The following AEBP2 variants were observed in gnomAD, a reference collection of about 807,000 sequenced individuals.
The protein encoded by AEBP2 is zinc finger protein AEBP2.
In AEBP2, 10 loss-of-function variants were observed where a neutral mutation model predicts 50.8. The ratio of observed to expected loss-of-function variants is 0.20; its 90% CI spans 0.12 to 0.33. AEBP2 has a LOEUF of 0.33. Ranked by LOEUF, AEBP2 falls within the 10% of genes least tolerant of loss-of-function variation. The pLI, the probability that AEBP2 is intolerant of heterozygous loss-of-function variation, is 1.00. For missense variants in AEBP2, 570 were observed against 688.0 expected, an observed-to-expected ratio of 0.83 and a Z score of 1.92; for synonymous variants, 296 against 261.3, an observed-to-expected ratio of 1.13 and a Z score of -1.28.
At chr12:19,438,943 A>T (rs541870032), upstream of AEBP2, among the ~76,000 whole-genome samples, 5 of 152,334 alleles carry the variant, frequency 3.3e-5, no homozygotes, top group East Asian at 9.7e-4. Flanking sequence ...TCTAAACTGT[A>T]TAAGAACATA....
intron 3 of AEBP2, among the ~76,000 whole-genome samples, chr12:19,492,748 T>G (rs1462611635): frequency 6.6e-6 from 1 of 151,906 alleles, no homozygotes; most frequent in East Asian, 1.9e-4. Context: ...AAATGGATGG[T>G]TTGAGCCCAG....
chr12:19,466,479 G>A (rs1281519135), intron 2 of AEBP2, among the ~76,000 whole-genome samples: 1 of 152,126 alleles, frequency 6.6e-6, no homozygotes, highest in African/African-American at 2.4e-5. Context: ...CATTTTTAAT[G>A]TATAGTTCAG....
At chr12:19,517,142 A>G (rs987752781) in intron 7 of AEBP2, among the ~76,000 whole-genome samples, 3 of 152,208 alleles carry the variant, frequency 2.0e-5, no homozygotes, top group African/African-American at 7.2e-5. Flanking sequence ...AGAAGCCCCT[A>G]CATTTGTCCT....
intron 1 of AEBP2, among the ~76,000 whole-genome samples, chr12:19,416,815 G>A (rs1252709691): frequency 1.3e-5 from 2 of 150,760 alleles, no homozygotes; most frequent in African/African-American, 2.4e-5. Context: ...GCCTCCCAAA[G>A]TGTTGGAATT....
At chr12:19,484,609 G>A (rs1948780268) in intron 3 of AEBP2, among the ~76,000 whole-genome samples, 2 of 151,990 alleles carry the variant, frequency 1.3e-5, no homozygotes, top group Non-Finnish European at 2.9e-5. Flanking sequence ...TCTTGACCTC[G>A]TGATCCGCCC....
upstream of AEBP2, among the ~76,000 whole-genome samples, chr12:19,438,178 T>C (rs527600517): frequency 6.6e-6 from 1 of 152,318 alleles, no homozygotes; most frequent in African/African-American, 2.4e-5. Flanking sequence ...AAGAATGGGG[T>C]AACACATCCT....
chr12:19,490,479 G>A (rs1948880757), intron 3 of AEBP2, among the ~76,000 whole-genome samples: 2 of 151,088 alleles, frequency 1.3e-5, no homozygotes, highest in South Asian at 2.1e-4. Flanking sequence ...CCAGGCTGAA[G>A]TGATTCTTGT....
chr12:19,458,259 A>G (rs984342771), intron 1 of AEBP2, among the ~76,000 whole-genome samples: 1 of 152,188 alleles, frequency 6.6e-6, no homozygotes, highest in Non-Finnish European at 1.5e-5. Flanking sequence ...GGAGAGGACC[A>G]CTGGTGGCAG....
intron 1 of AEBP2, among the ~76,000 whole-genome samples, chr12:19,420,577 C>T (rs182545536): frequency 1.5e-4 from 22 of 150,560 alleles, no homozygotes; most frequent in Non-Finnish European, 7.4e-5. Context: ...CTGCCTGCCT[C>T]TGCCTCCCAA....
At chr12:19,425,605 C>G (rs549223806) in intron 1 of AEBP2, among the ~76,000 whole-genome samples, 113 of 151,834 alleles carry the variant, frequency 7.4e-4, no homozygotes, top group Non-Finnish European at 1.2e-3. Context: ...GAAACCCTGT[C>G]TCTACTAAAA....
rs2095747805 is a variant in AEBP2 at position 19,425,008 on chromosome 12, CA to C, written c.-17+20796del. On this transcript the variant is annotated intron_variant, in intron 1 of 3. Coordinates refer to the AEBP2 transcript ENST00000538425. ...AGGGTGACAATGTGAGACTCCATCT[CA>C]AAACAAACAAACAAACAAAGACCTT... Among the ~76,000 whole-genome samples, 3 of 152,092 alleles carry C rather than the reference CA, an allele frequency of 2.0e-5. No individual in the cohort carries two copies. The South Asian group carries it at 6.2e-4, about 32-fold the overall frequency.
intron 1 of AEBP2, among the ~76,000 whole-genome samples, chr12:19,455,601 T>A (rs1015567716): frequency 5.9e-5 from 9 of 152,150 alleles, no homozygotes; most frequent in Non-Finnish European, 1.0e-4. Flanking sequence ...CTAGAAGTAA[T>A]TTAAGACTCA....
At chr12:19,422,034 C>G (rs1357885977) in intron 1 of AEBP2, among the ~76,000 whole-genome samples, 1 of 151,824 alleles carries the variant, frequency 6.6e-6, no homozygotes, top group Non-Finnish European at 1.5e-5. Context: ...CCCAGCTACT[C>G]GGGAGGCTGA....
At chr12:19,438,756 A>G (rs61430038), upstream of AEBP2, among the ~76,000 whole-genome samples, 634 of 152,362 alleles carry the variant, frequency 4.2e-3, 6 homozygotes, top group African/African-American at 0.015. Context: ...GAGATATGCA[A>G]CGTCAATATG....
At chr12:19,502,244 C>T (rs907771900) in intron 5 of AEBP2, among the ~76,000 whole-genome samples, 2 of 151,816 alleles carry the variant, frequency 1.3e-5, no homozygotes, top group Admixed American at 6.6e-5. Context: ...AAGCGATCCC[C>T]CTCCCTCAGC....
rs567524876 is a variant in AEBP2, at chr12:19,446,719, G to A, written c.671+6349G>A. Reference sequence around the variant, plus strand: ...TGCACTCCAGCCTGGGCGACAGAGCGAGACTCCGTTTCCAAAAAAAAAAAA... The same window carrying A: ...TGCACTCCAGCCTGGGCGACAGAGCAAGACTCCGTTTCCAAAAAAAAAAAA... On this transcript the variant is annotated intron_variant, in intron 1 of 7. Coordinates refer to ENST00000266508, the MANE Select transcript of AEBP2 (RefSeq NM_153207.5). Among the ~76,000 whole-genome samples, 165 of 133,042 alleles carry A rather than the reference G, an allele frequency of 1.2e-3. 1 individual carries two copies. The highest frequency in any genetic ancestry group is 2.3e-3 in the Non-Finnish European group (144 of 63,314). 87.3% of individuals were successfully genotyped at this position (133,042 alleles called of 152,430 possible).
At chr12:19,440,502 A>G (rs1433141198) in intron 1 of AEBP2, 132 bp downstream of exon 1, 1 of 1,399,202 alleles carries the variant, frequency 7.1e-7, no homozygotes, top group Non-Finnish European at 9.3e-7. Context: ...CAGACTCTCA[A>G]CTCGGAAATC....
chr12:19,456,401 A>C, intron 1 of AEBP2: 2 of 1,379,632 alleles, frequency 1.4e-6, no homozygotes, highest in South Asian at 1.2e-5. Context: ...AGCACTCAAC[A>C]CACACGGGCT....
chr12:19,517,996 C>G, intron 7 of AEBP2, 91 bp from the exon 8 acceptor site: 1 of 1,171,808 alleles, frequency 8.5e-7, no homozygotes, highest in African/African-American at 1.6e-5. Context: ...ATCACATTGC[C>G]TGTATCTTAT....
Sources: allele counts gnomAD v4.1 joint callset (sites outside exome capture counted in the v4.1 genomes callset), GRCh38; gene constraint gnomAD v4.1.1; transcripts MANE v1.5; gene names NCBI Gene and HGNC (gene_info 2026-07-23, HGNC 2026-07-21).